DENND1A: variants seen among roughly 807,000 people sequenced by gnomAD.
The protein encoded by DENND1A is DENN domain-containing protein 1A.
A neutral mutation model predicts 113.7 loss-of-function variants in DENND1A; 51 were observed. That is an observed-to-expected ratio of 0.45 (90% CI 0.36 to 0.57). The LOEUF (loss-of-function observed/expected upper bound fraction) is 0.57. DENND1A is among the 20% of genes least tolerant of loss of function. The probability of loss-of-function intolerance (pLI) is 0.00; values close to 1 mark genes in which losing one functional copy is unlikely to be tolerated. For synonymous variants in DENND1A, 565 were observed against 570.8 expected, an observed-to-expected ratio of 0.99 and a Z score of 0.14; for missense variants, 1,258 against 1,395.9, an observed-to-expected ratio of 0.90 and a Z score of 1.57.
chr9:123,751,637 C>G (rs534105210), intron 5 of DENND1A: 1 of 152,464 alleles, frequency 6.6e-6, no homozygotes, highest in African/African-American at 2.4e-5. Context: ...GAGCACGCCC[C>G]AGAAGCACTC....
chr9:123,879,313 A>G (rs1472500215), intron 1 of DENND1A, among the ~76,000 whole-genome samples: 1 of 152,150 alleles, frequency 6.6e-6, no homozygotes, highest in Non-Finnish European at 1.5e-5. Context: ...TGGGAGGATC[A>G]CTTGAGGCCA....
At chr9:123,486,287 C>T (rs931295266) in intron 13 of DENND1A, among the ~76,000 whole-genome samples, 8 of 152,140 alleles carry the variant, frequency 5.3e-5, no homozygotes, top group African/African-American at 1.7e-4. Context: ...CAGAGGGCAA[C>T]GTGTCCCAGG....
intron 5 of DENND1A, among the ~76,000 whole-genome samples, chr9:123,687,609 C>G (rs546220770): frequency 9.8e-5 from 15 of 152,290 alleles, no homozygotes; most frequent in South Asian, 4.2e-4. Context: ...AACTAGAGAG[C>G]TGGCAACAAA....
At position 123,401,791 on chromosome 9, in the gene DENND1A, G is replaced by A. The variant is rs756241717; in HGVS notation, c.1631+1611C>T. 6 of 1,614,204 alleles carry A rather than the reference G, an allele frequency of 3.7e-6. 1 individual carries two copies. The South Asian group carries it at 6.6e-5, about 18-fold the overall frequency. ...CGAAGTCAGCCCCTCTGCCCAGTCT[G>A]GAAAAGCAACGGCGTAAGTCAATGT... On this transcript the variant is annotated intron_variant, in intron 21 of 23. Transcript: ENST00000394215.
At chr9:123,528,690 G>T (rs557819604) in intron 13 of DENND1A, among the ~76,000 whole-genome samples, 1 of 152,294 alleles carries the variant, frequency 6.6e-6, no homozygotes, top group Non-Finnish European at 1.5e-5. Context: ...TCCAGAAAGG[G>T]AAATGCTCCC....
chr9:123,409,890 G>C (rs933004707), intron 20 of DENND1A, among the ~76,000 whole-genome samples: 7 of 152,124 alleles, frequency 4.6e-5, no homozygotes, highest in African/African-American at 1.7e-4. Context: ...AGGAGATCGA[G>C]ACCATTCTGG....
intron 23 of DENND1A, among the ~76,000 whole-genome samples, chr9:123,383,206 G>T (rs979156815): frequency 6.6e-6 from 1 of 152,230 alleles, no homozygotes; most frequent in Non-Finnish European, 1.5e-5. Context: ...GGAAACTGAG[G>T]CACCGAGCGG....
At chr9:123,650,001 A>G (rs2062557305) in intron 9 of DENND1A, among the ~76,000 whole-genome samples, 1 of 152,228 alleles carries the variant, frequency 6.6e-6, no homozygotes, top group South Asian at 2.1e-4. Flanking sequence ...AAACATCATG[A>G]TTAAATGATA....
At chr9:123,917,874 G>A (rs1305133202) in intron 1 of DENND1A, among the ~76,000 whole-genome samples, 3 of 151,996 alleles carry the variant, frequency 2.0e-5, no homozygotes, top group African/African-American at 7.3e-5. Context: ...GCTTTGGGAG[G>A]CCGAGGCAGG....
chr9:123,865,701 G>A (rs566846245), intron 2 of DENND1A, among the ~76,000 whole-genome samples: 1 of 152,224 alleles, frequency 6.6e-6, no homozygotes, highest in South Asian at 2.1e-4. Flanking sequence ...CCTCAAATGT[G>A]ATGATAATAT....
chr9:123,720,121 G>C (rs1029800272), intron 5 of DENND1A, among the ~76,000 whole-genome samples: 1 of 152,100 alleles, frequency 6.6e-6, no homozygotes, highest in Admixed American at 6.6e-5. Context: ...GCCACAATAA[G>C]CAATTAAATA....
At position 123,469,124 on chromosome 9, in the gene DENND1A, T is replaced by C. The variant is rs149804459; in HGVS notation, c.994-11227A>G. On this transcript the variant is annotated intron_variant, in intron 13 of 23. Transcript: ENST00000394215. ...TATAGTCAGATGACTCTGGCTGGGC[T>C]GGGTGGGGACATGCCACATTTTGGG... Among the ~76,000 whole-genome samples, 6 of 152,280 alleles carry C rather than the reference T, an allele frequency of 3.9e-5. No homozygotes were observed. In the East Asian group the frequency reaches 1.2e-3, roughly 29 times the overall value.
chr9:123,527,353 C>T (rs1463834856), intron 13 of DENND1A, among the ~76,000 whole-genome samples: 1 of 152,196 alleles, frequency 6.6e-6, no homozygotes, highest in Non-Finnish European at 1.5e-5. Flanking sequence ...CCCTCCCTTA[C>T]AAACTCTTTC....
At chr9:123,426,867 A>G (rs2045774332) in intron 19 of DENND1A, among the ~76,000 whole-genome samples, 1 of 152,236 alleles carries the variant, frequency 6.6e-6, no homozygotes, top group Non-Finnish European at 1.5e-5. Flanking sequence ...AGCCTGGAAC[A>G]GCCACTGTGT....
intron 5 of DENND1A, among the ~76,000 whole-genome samples, chr9:123,717,062 A>C (rs2067020394): frequency 6.6e-6 from 1 of 152,226 alleles, no homozygotes; most frequent in African/African-American, 2.4e-5. Flanking sequence ...TAGTAAATAC[A>C]TAGTCACACC....
At chr9:123,521,060 T>C (rs1299378678) in intron 13 of DENND1A, among the ~76,000 whole-genome samples, 1 of 152,214 alleles carries the variant, frequency 6.6e-6, no homozygotes, top group Non-Finnish European at 1.5e-5. Context: ...AGGACTGAGC[T>C]GCTGGAGTAC....
chr9:123,440,204 T>G (rs2046822129), intron 19 of DENND1A, 156 bp downstream of exon 19: 1 of 1,000,818 alleles, frequency 1.0e-6, no homozygotes, highest in Non-Finnish European at 1.4e-6. Context: ...AAAACATGTT[T>G]GCACCAAATA....
At chr9:123,594,760 G>A (rs1300056376) in intron 11 of DENND1A, among the ~76,000 whole-genome samples, 1 of 152,176 alleles carries the variant, frequency 6.6e-6, no homozygotes, top group African/African-American at 2.4e-5. Context: ...CCATGAGCCA[G>A]TGTTCCTTCC....
intron 13 of DENND1A, among the ~76,000 whole-genome samples, chr9:123,459,539 TAA>T (rs779642733): frequency 6.8e-6 from 1 of 146,414 alleles, no homozygotes; most frequent in Non-Finnish European, 1.5e-5. Flanking sequence ...TACCCTGAGT[TAA>T]AAAAAAAAAA....
Sources: allele counts gnomAD v4.1 joint callset (sites outside exome capture counted in the v4.1 genomes callset), GRCh38; gene constraint gnomAD v4.1.1; transcripts MANE v1.5; gene names NCBI Gene and HGNC (gene_info 2026-07-23, HGNC 2026-07-21).